The following EDNRA variants were observed in gnomAD, a reference collection of about 807,000 sequenced individuals.
EDNRA encodes the protein endothelin-1 receptor.
In EDNRA, 11 loss-of-function variants were observed where a neutral mutation model predicts 41.4. That is an observed-to-expected ratio of 0.27 (90% confidence interval 0.17 to 0.44). EDNRA has a LOEUF of 0.44. EDNRA is among the 20% of genes least tolerant of loss of function. The probability of loss-of-function intolerance (pLI) is 1.00; values close to 1 mark genes in which losing one functional copy is unlikely to be tolerated. For missense variants in EDNRA, 294 were observed against 531.0 expected (o/e 0.55, Z 4.39); for synonymous variants, 172 against 183.0 (o/e 0.94, Z 0.49).
At chr4:147,500,209 A>G (rs1729466150) in intron 2 of EDNRA, among the ~76,000 whole-genome samples, 1 of 152,230 alleles carries the variant, frequency 6.6e-6, no homozygotes, top group South Asian at 2.1e-4. Flanking sequence ...ACAAGATCAT[A>G]ACTAAAAACA....
chr4:147,529,962 G>T (rs1195783811), intron 3 of EDNRA, among the ~76,000 whole-genome samples: 5 of 152,098 alleles, frequency 3.3e-5, no homozygotes. Context: ...TCAGTGAGTG[G>T]GTTAATGAAG....
chr4:147,525,036 G>A (rs1730485697), intron 3 of EDNRA, among the ~76,000 whole-genome samples: 2 of 152,178 alleles, frequency 1.3e-5, no homozygotes, highest in South Asian at 4.1e-4. Context: ...AGGACAAAGA[G>A]TTCCCATGAT....
At chr4:147,534,166 A>G (rs1370078653) in intron 4 of EDNRA, among the ~76,000 whole-genome samples, 1 of 151,926 alleles carries the variant, frequency 6.6e-6, no homozygotes, top group African/African-American at 2.4e-5. Flanking sequence ...CAGCCTCTAG[A>G]CCCTCTGCAG....
intron 2 of EDNRA, among the ~76,000 whole-genome samples, chr4:147,504,957 CAA>C (rs57911108): frequency 5.4e-4 from 21 of 39,022 alleles, no homozygotes; most frequent in African/African-American, 1.2e-3. Flanking sequence ...GACCCTGTCT[CAA>C]AAAAAAAAAA....
chr4:147,518,185 T>C (rs1730181636), intron 2 of EDNRA, among the ~76,000 whole-genome samples: 1 of 152,218 alleles, frequency 6.6e-6, no homozygotes, highest in South Asian at 2.1e-4. Context: ...TAAAAAGTAG[T>C]TTTCAGGTTT....
chr4:147,518,088 T>C (rs1487951979), intron 2 of EDNRA, among the ~76,000 whole-genome samples: 1 of 152,176 alleles, frequency 6.6e-6, no homozygotes, highest in Admixed American at 6.5e-5. Context: ...GTATATCCCA[T>C]AACCGTGCCT....
At chr4:147,530,030 T>C (rs1015021572) in intron 3 of EDNRA, among the ~76,000 whole-genome samples, 1 of 152,212 alleles carries the variant, frequency 6.6e-6, no homozygotes, top group African/African-American at 2.4e-5. Context: ...CTTCTACTTA[T>C]TTGTGAATGT....
At chr4:147,493,109 A>G (rs1376261601) in intron 2 of EDNRA, 1 of 152,148 alleles carries the variant, frequency 6.6e-6, no homozygotes, top group East Asian at 1.9e-4. Context: ...ACGTGTTGAG[A>G]TGTAAATAGA....
At chr4:147,504,188 C>T (rs1410433574) in intron 2 of EDNRA, among the ~76,000 whole-genome samples, 2 of 152,146 alleles carry the variant, frequency 1.3e-5, no homozygotes, top group South Asian at 2.1e-4. Flanking sequence ...CAGATAATTG[C>T]GAATATTCTT....
At chr4:147,541,982 G>A (rs2126490549) in intron 7 of EDNRA, among the ~76,000 whole-genome samples, 1 of 152,274 alleles carries the variant, frequency 6.6e-6, no homozygotes, top group South Asian at 2.1e-4. Flanking sequence ...AATCTAGAGA[G>A]TCCTGGGTTC....
rs1047492119 is a variant in EDNRA at position 147,486,156 on chromosome 4, G to A, written c.420+55G>A. 8 of 1,533,686 alleles carry A rather than the reference G, an allele frequency of 5.2e-6. No homozygotes were observed. Among genetic ancestry groups the A allele is most frequent in the Admixed American group, 4.0e-5 (2 of 50,298 alleles). On this transcript the variant is annotated intron_variant, in intron 2 of 7. Coordinates refer to ENST00000651419, the MANE Select transcript of EDNRA (RefSeq NM_001957.4). This position sits in a 1 kb window ranked among gnomAD's most constrained non-coding sequence, Gnocchi z 4.3. ...ATTTAAACCCATGCTCTGATTCCAC[G>A]TGGAGAGTTGCTGCAGACTTTTCTG...
chr4:147,501,512 C>A (rs1339907054), intron 2 of EDNRA, among the ~76,000 whole-genome samples: 1 of 152,194 alleles, frequency 6.6e-6, no homozygotes, highest in Non-Finnish European at 1.5e-5. Flanking sequence ...CACCAAATTT[C>A]CCCACTCCCA....
intron 2 of EDNRA, among the ~76,000 whole-genome samples, chr4:147,508,284 A>G (rs1738712419): frequency 6.6e-6 from 1 of 152,092 alleles, no homozygotes; most frequent in Non-Finnish European, 1.5e-5. Flanking sequence ...GATTACGGGC[A>G]TGCACCACCA....
chr4:147,515,598 C>T (rs906414294), intron 2 of EDNRA, among the ~76,000 whole-genome samples: 6 of 152,048 alleles, frequency 3.9e-5, no homozygotes, highest in African/African-American at 1.4e-4. Flanking sequence ...AGAATCAGTC[C>T]CCCTGTGGTG....
chr4:147,543,861 C>G lies in EDNRA; in HGVS notation c.*1243C>G, dbSNP rs1312520202. 1 of 152,560 alleles carries G rather than the reference C, an allele frequency of 6.6e-6. No individual in the cohort carries two copies. Among genetic ancestry groups the G allele is most frequent in the Non-Finnish European group, 1.5e-5 (1 of 68,030 alleles). 9.5% of individuals were successfully genotyped at this position (152,560 alleles called of 1,614,324 possible). On this transcript the variant is annotated 3_prime_UTR_variant, in exon 8 of 8. Transcript: ENST00000651419. ...ACTTCTTGGGGTTTTCAGTATGAACCTAACTCCCCACCCCAACATCTCCCT... is the reference window on the plus strand; with the variant it reads ...ACTTCTTGGGGTTTTCAGTATGAACGTAACTCCCCACCCCAACATCTCCCT...
chr4:147,527,082 C>T (rs980771206), intron 3 of EDNRA, among the ~76,000 whole-genome samples: 12 of 152,270 alleles, frequency 7.9e-5, no homozygotes, highest in African/African-American at 1.7e-4. Flanking sequence ...AAGATAGGGG[C>T]GGCACTGTAC....
rs755485004 is a variant in EDNRA, at chr4:147,542,626, T to C, written c.*8T>C. The C allele has an allele frequency of 5.0e-6, 8 of 1,613,296 alleles. No homozygotes were observed. In the East Asian group the frequency reaches 8.9e-5, roughly 18 times the overall value. ...AAGGACAGCATGAACTGACCACCCTTAGAAGCACTCCTCGGTACTCCCATA... is the reference window on the plus strand; with the variant it reads ...AAGGACAGCATGAACTGACCACCCTCAGAAGCACTCCTCGGTACTCCCATA... On this transcript the variant is annotated 3_prime_UTR_variant, in exon 8 of 8. Transcript: ENST00000651419.
chr4:147,491,472 G>T (rs757514978), intron 2 of EDNRA: 2 of 152,180 alleles, frequency 1.3e-5, no homozygotes, highest in African/African-American at 2.4e-5. Context: ...GTTCAGTAAT[G>T]CTTGTTGTTA....
chr4:147,535,010 A>C (rs1730871841), intron 4 of EDNRA, among the ~76,000 whole-genome samples: 1 of 152,176 alleles, frequency 6.6e-6, no homozygotes, highest in Admixed American at 6.5e-5. Flanking sequence ...CAACATGATT[A>C]TTTTTTACTG....
Sources: gnomAD v4.1 joint callset for allele counts (sites outside exome capture counted in the v4.1 genomes callset) on GRCh38, gnomAD v4.1.1 for gene constraint, Gnocchi (gnomAD v3.1) non-coding constraint, MANE v1.5 for transcripts, NCBI Gene and HGNC (gene_info 2026-07-23, HGNC 2026-07-21) for gene names.